The following TTC7B variants were observed in gnomAD, a reference collection of about 807,000 sequenced individuals.
TTC7B encodes the protein tetratricopeptide repeat domain 7B, also known as tetratricopeptide repeat protein 7B.
TTC7B carries 28 observed loss-of-function variants against 106.8 expected under a neutral mutation model. That is an observed-to-expected ratio of 0.26 (90% CI 0.19 to 0.36). The LOEUF (loss-of-function observed/expected upper bound fraction) is 0.36, where lower values mean the gene tolerates loss of function less well. TTC7B is among the 10% of genes least tolerant of loss of function. The pLI is 1.00. For missense variants in TTC7B, 862 were observed against 1,076.4 expected (o/e 0.80, Z 2.79); for synonymous variants, 405 against 430.6 (o/e 0.94, Z 0.74).
intron 5 of TTC7B, among the ~76,000 whole-genome samples, chr14:90,705,319 G>C (rs1888162122): frequency 6.6e-6 from 1 of 152,142 alleles, no homozygotes; most frequent in Non-Finnish European, 1.5e-5. Context: ...TATTCCAGAT[G>C]ATCTGCCAGC....
chr14:90,674,943 G>T (rs994120438), intron 9 of TTC7B, among the ~76,000 whole-genome samples: 12 of 152,166 alleles, frequency 7.9e-5, no homozygotes, highest in African/African-American at 2.4e-4. Flanking sequence ...CACGAGGTGG[G>T]AGCTACATAT....
chr14:90,701,746 A>C (rs1315686698), intron 5 of TTC7B, among the ~76,000 whole-genome samples: 3 of 150,212 alleles, frequency 2.0e-5, no homozygotes, highest in African/African-American at 4.9e-5. Context: ...CTCCATATAT[A>C]TCTGTGTGTG....
chr14:90,804,344 A>G (rs1454256661), intron 1 of TTC7B, among the ~76,000 whole-genome samples: 1 of 150,450 alleles, frequency 6.6e-6, no homozygotes, highest in Non-Finnish European at 1.5e-5. Flanking sequence ...AAAAAAAAAA[A>G]GAAAAGAAAA....
intron 17 of TTC7B, among the ~76,000 whole-genome samples, chr14:90,594,808 T>C (rs1892135054): frequency 6.6e-6 from 1 of 152,238 alleles, no homozygotes; most frequent in African/African-American, 2.4e-5. Context: ...CCATCATCTA[T>C]AAATTTAAAG....
intron 5 of TTC7B, among the ~76,000 whole-genome samples, chr14:90,716,738 T>C (rs1398723842): frequency 6.6e-6 from 1 of 152,166 alleles, no homozygotes. Context: ...TCAGAAAAAA[T>C]ATAGCTTTAG....
chr14:90,688,672 G>A (rs1362593989), intron 7 of TTC7B, among the ~76,000 whole-genome samples: 1 of 148,038 alleles, frequency 6.8e-6, no homozygotes, highest in Non-Finnish European at 1.5e-5. Context: ...GCTAGGTGTG[G>A]TGGTATGTGC....
rs145885488 is a variant in TTC7B, at chr14:90,684,230, T to C, written c.951-3695A>G. ...ATCCAATATTAACCAGTATCCACAATAGCTGTTTTTAATCTTCTGCTTTAC... is the reference window on the plus strand; with the variant it reads ...ATCCAATATTAACCAGTATCCACAACAGCTGTTTTTAATCTTCTGCTTTAC... On this transcript the variant is annotated intron_variant, in intron 7 of 19. Transcript: ENST00000328459. Among the ~76,000 whole-genome samples, 292 of 152,332 alleles carry C rather than the reference T, an allele frequency of 1.9e-3. 2 individuals carry two copies. Among genetic ancestry groups the C allele is most frequent in the African/African-American group, 6.9e-3 (286 of 41,564 alleles).
At position 90,525,889 on chromosome 14, in the gene TTC7B, TG is replaced by T. The variant is rs1889137113; in HGVS notation, c.*15478del. The T allele has an allele frequency of 7.0e-6, 1 of 143,208 alleles. No homozygotes were observed. The highest frequency in any genetic ancestry group is 7.0e-5 in the Admixed American group (1 of 14,186). 8.9% of individuals were successfully genotyped at this position (143,208 alleles called of 1,614,324 possible). On this transcript the variant is annotated 3_prime_UTR_variant, in exon 20 of 20. Coordinates refer to ENST00000328459, the MANE Select transcript of TTC7B (RefSeq NM_001010854.2). The stretch of plus-strand genomic sequence containing the variant: ...CTCAGAGTGGAAGAGTACCAGGACA[TG>T]GGGGTGGGGGTTGGGGCAAAGCTTT...
At chr14:90,594,586 C>T (rs942291781) in intron 17 of TTC7B, among the ~76,000 whole-genome samples, 3 of 152,066 alleles carry the variant, frequency 2.0e-5, no homozygotes, top group African/African-American at 4.8e-5. Flanking sequence ...TATTCACCTG[C>T]ATCATTCTTA....
rs553820562 is a variant in TTC7B, at chr14:90,808,184, G to T, written c.121+7991C>A. On this transcript the variant is annotated intron_variant, in intron 1 of 19. Transcript: ENST00000328459. The surrounding 1 kb of genome is among the most constrained non-coding windows in gnomAD (Gnocchi z 4.2). ...CAAGAGGCTGGGCACAGTGGCTCAC[G>T]CCTGTAATCCCAGCACTTTGGGAGG... 6.6e-6 allele frequency among the ~76,000 whole-genome samples: 1 copy of T among 152,202 alleles called. No individual in the cohort carries two copies. Among genetic ancestry groups the T allele is most frequent in the Admixed American group, 6.5e-5 (1 of 15,284 alleles).
At chr14:90,680,123 C>A (rs78835135) in intron 8 of TTC7B, among the ~76,000 whole-genome samples, 8,847 of 152,300 alleles carry the variant, frequency 0.058, 296 homozygotes, top group South Asian at 0.12. Context: ...GGGCCTCTTT[C>A]TCCTTTTAAG....
chr14:90,647,210 G>T, intron 13 of TTC7B, 187 bp from the exon 14 acceptor site: 2 of 581,276 alleles, frequency 3.4e-6, no homozygotes, highest in South Asian at 3.9e-5. Context: ...TCTTACCACT[G>T]TATAAAGGTA....
Position 90,804,361 on chromosome 14 carries a change from A to G in TTC7B, c.121+11814T>C, listed in dbSNP as rs192216780. On this transcript the variant is annotated intron_variant, in intron 1 of 19. Coordinates refer to ENST00000328459, the MANE Select transcript of TTC7B (RefSeq NM_001010854.2). ...AAAAAAAAAGAAAAGAAAAGAAAAGAAAGAGCTGAAGCCTCGAGGCTGCAG... is the reference window on the plus strand; with the variant it reads ...AAAAAAAAAGAAAAGAAAAGAAAAGGAAGAGCTGAAGCCTCGAGGCTGCAG... 1.8e-4 allele frequency among the ~76,000 whole-genome samples: 27 copies of G among 151,818 alleles called. 1 individual carries two copies. The East Asian group carries it at 4.8e-3, about 27-fold the overall frequency.
intron 17 of TTC7B, among the ~76,000 whole-genome samples, chr14:90,609,339 T>C (rs1258344300): frequency 6.6e-6 from 1 of 152,246 alleles, no homozygotes; most frequent in African/African-American, 2.4e-5. Flanking sequence ...AAAATCTTTT[T>C]ACCCAGGAGC....
chr14:90,625,108 G>T (rs1174157351), intron 15 of TTC7B, among the ~76,000 whole-genome samples: 6 of 152,198 alleles, frequency 3.9e-5, no homozygotes, highest in Admixed American at 3.9e-4. Flanking sequence ...AGAAATAATG[G>T]ATCAGGCTGA....
chr14:90,639,923 A>T (rs990533381), intron 15 of TTC7B, among the ~76,000 whole-genome samples: 3 of 152,236 alleles, frequency 2.0e-5, no homozygotes, highest in Non-Finnish European at 2.9e-5. Context: ...GCATAAGGAC[A>T]TATTCAGTCT....
At chr14:90,643,944 C>T in intron 15 of TTC7B, 104 bp downstream of exon 15, 1 of 1,351,994 alleles carries the variant, frequency 7.4e-7, no homozygotes, top group Non-Finnish European at 1.0e-6. Flanking sequence ...TTATTGACTG[C>T]CAGGGTGTCC....
At chr14:90,558,122 G>A (rs12882020) in intron 19 of TTC7B, among the ~76,000 whole-genome samples, 1 of 152,168 alleles carries the variant, frequency 6.6e-6, no homozygotes, top group African/African-American at 2.4e-5. Context: ...CACGCCTGCC[G>A]TCCAGCCCAG....
chr14:90,578,366 C>T lies in TTC7B; in HGVS notation c.2108-58G>A. 1 of 1,541,912 alleles carries T rather than the reference C, an allele frequency of 6.5e-7. No homozygotes were observed. The highest frequency in any genetic ancestry group is 2.3e-5 in the East Asian group (1 of 43,756). ...TGGTGCCCCTCTGAGGCCCTGCGAG[C>T]AGCCACCACTCTGATGTTCGTGTTC... On this transcript the variant is annotated intron_variant, in intron 18 of 19. Transcript: ENST00000328459. The surrounding 1 kb of genome is among the most constrained non-coding windows in gnomAD (Gnocchi z 4.7).
Sources: gnomAD v4.1 joint callset for allele counts (sites outside exome capture counted in the v4.1 genomes callset) on GRCh38, gnomAD v4.1.1 for gene constraint, Gnocchi (gnomAD v3.1) non-coding constraint, MANE v1.5 for transcripts, NCBI Gene and HGNC (gene_info 2026-07-23, HGNC 2026-07-21) for gene names.